The following AHNAK variants were observed in gnomAD, a reference collection of about 807,000 sequenced individuals.
The protein encoded by AHNAK is neuroblast differentiation-associated protein AHNAK.
Under a neutral mutation model 37.8 loss-of-function variants are expected in AHNAK, and 23 were observed. The ratio of observed to expected loss-of-function variants is 0.61; its 90% CI spans 0.44 to 0.86. AHNAK has a LOEUF of 0.86. Ranked by LOEUF, AHNAK falls within the 40% of genes least tolerant of loss-of-function variation. AHNAK has a pLI of 0.00. For synonymous variants in AHNAK, 2,481 were observed against 2,636.3 expected (o/e 0.94, Z 1.80); for missense variants, 7,411 against 7,319.4 (o/e 1.01, Z -0.46).
At chr11:62,465,148 C>A (rs1938880024) in intron 5 of AHNAK, among the ~76,000 whole-genome samples, 1 of 152,178 alleles carries the variant, frequency 6.6e-6, no homozygotes, top group Non-Finnish European at 1.5e-5. Context: ...ACTCCATCCT[C>A]TCCCAGTTGG....
Position 62,524,118 on chromosome 11 carries a change from T to G in AHNAK, c.10299A>C (p.Leu3433Phe), listed in dbSNP as rs1940379868. 6.2e-7 allele frequency: 1 copy of G among 1,614,144 alleles called. No homozygotes were observed. Among genetic ancestry groups the G allele is most frequent in the East Asian group, 2.2e-5 (1 of 44,880 alleles). Residue 3433 changes from leucine to phenylalanine, a missense_variant, in exon 5 of 5, where the codon TTA becomes TTC. Transcript: ENST00000378024. Reference protein sequence around the residue: ...NLKSPKVKGDLDIAGPNLEGD... With the variant: ...NLKSPKVKGDFDIAGPNLEGD... ...CTTCTAAATTGGGACCTGCAATATC[T>G]AAGTCTCCTTTGACTTTGGGACTTT... is the stretch of plus-strand genomic sequence containing the variant.
chr11:62,490,968 A>G (rs1466653258), intron 5 of AHNAK, among the ~76,000 whole-genome samples: 1 of 151,538 alleles, frequency 6.6e-6, no homozygotes, highest in African/African-American at 2.4e-5. Flanking sequence ...TTATATTTCT[A>G]GTAGAGACAG....
At chr11:62,496,044 G>T (rs181794032) in intron 4 of AHNAK, among the ~76,000 whole-genome samples, 62 of 147,958 alleles carry the variant, frequency 4.2e-4, no homozygotes, top group African/African-American at 1.4e-3. Context: ...GCCAGATCCT[G>T]TCTCAAAAAA....
At chr11:62,537,916 C>A (rs1941003051) in intron 1 of AHNAK, among the ~76,000 whole-genome samples, 1 of 152,036 alleles carries the variant, frequency 6.6e-6, no homozygotes, top group South Asian at 2.1e-4. Context: ...ACTCCTGACC[C>A]TGTGATCCAC....
At chr11:62,475,631 G>A (rs1939128081) in intron 5 of AHNAK, among the ~76,000 whole-genome samples, 4 of 106,380 alleles carry the variant, frequency 3.8e-5, no homozygotes, top group African/African-American at 1.2e-4. Flanking sequence ...TTTAGACAGA[G>A]TCTCACTCTG....
At position 62,529,917 on chromosome 11, in the gene AHNAK, C is replaced by T; in HGVS notation, c.4500G>A (p.Glu1500=). 1.3e-6 allele frequency: 2 copies of T among 1,585,392 alleles called. No homozygotes were observed. Among genetic ancestry groups the T allele is most frequent in the South Asian group, 1.1e-5 (1 of 88,012 alleles). The change falls in exon 5 of 5, where the codon GAG becomes GAA. Residue 1500 remains glutamate, a synonymous_variant. Transcript: ENST00000378024. ...TCAGGTGCCAGTCTGGGCCATGAAC[C>T]TCCACATCTGGTGCATTAATATCAA... ...PKVDINAPDV[E]VHGPDWHLKM...
In AHNAK at chr11:62,528,271, G is replaced by A; in HGVS notation, c.6146C>T (p.Pro2049Leu). Residue 2049 changes from proline to leucine, a missense_variant, in exon 5 of 5, where the codon CCC (proline) becomes CTC (leucine). Pro to Leu is a moderately conservative substitution (Grantham distance 98). Transcript: ENST00000378024. ...VHGPDWHLKM[P>L]KMKMPKFSMP... ...GCTGAACTTGGGCATTTTCATCTTG[G>A]GCATCTTCAGGTGCCAGTCTGGGCC... 6.2e-7 allele frequency: 1 copy of A among 1,613,982 alleles called. No individual in the cohort carries two copies. The highest frequency in any genetic ancestry group is 8.5e-7 in the Non-Finnish European group (1 of 1,180,010).
chr11:62,481,904 C>T (rs1275048956), intron 5 of AHNAK, among the ~76,000 whole-genome samples: 2 of 152,090 alleles, frequency 1.3e-5, no homozygotes, highest in Admixed American at 1.3e-4. Flanking sequence ...CAACCCTCTG[C>T]CTTGATGTTA....
chr11:62,540,576 A>G (rs965761287), intron 1 of AHNAK, among the ~76,000 whole-genome samples: 2 of 152,186 alleles, frequency 1.3e-5, no homozygotes, highest in African/African-American at 4.8e-5. Flanking sequence ...TTGGGAGGCC[A>G]AGACACACTG....
chr11:62,497,825 G>A (rs148841980), intron 4 of AHNAK, among the ~76,000 whole-genome samples: 21 of 152,196 alleles, frequency 1.4e-4, no homozygotes, highest in African/African-American at 4.1e-4. Flanking sequence ...TTTGCCAGGC[G>A]TGGTGGCACG....
intron 2 of AHNAK, 27 bp from the exon 3 acceptor site, chr11:62,536,125 G>T (rs1383842166): frequency 6.5e-7 from 1 of 1,536,502 alleles, no homozygotes; most frequent in Non-Finnish European, 8.8e-7. Flanking sequence ...AAATGGAACT[G>T]GGGTCAGTGG....
At chr11:62,508,666 G>A (rs1042383014) in intron 4 of AHNAK, among the ~76,000 whole-genome samples, 8 of 152,344 alleles carry the variant, frequency 5.3e-5, no homozygotes, top group Non-Finnish European at 7.3e-5. Flanking sequence ...CCATGGCAGC[G>A]CCTCTGCTGG....
intron 5 of AHNAK, among the ~76,000 whole-genome samples, chr11:62,468,690 A>C (rs1252065062): frequency 2.0e-5 from 3 of 152,080 alleles, no homozygotes; most frequent in Non-Finnish European, 4.4e-5. Flanking sequence ...TAGCCTTTAC[A>C]AGGAGGTCAA....
chr11:62,526,972 A>G lies in AHNAK; in HGVS notation c.7445T>C (p.Leu2482Pro), dbSNP rs1165015147. The change falls in exon 5 of 5, where the codon CTT becomes CCT. Residue 2482 changes from leucine to proline, a missense_variant. Coordinates refer to ENST00000378024, the MANE Select transcript of AHNAK (RefSeq NM_001620.3). ...DVSVPEVEGK[L>P]EVPDMNIRGP... Reference sequence around the variant, plus strand: ...CCTGATGTTCATATCTGGTACTTCAAGTTTACCTTCTACCTCAGGCACAGA... The same window carrying G: ...CCTGATGTTCATATCTGGTACTTCAGGTTTACCTTCTACCTCAGGCACAGA... 6.2e-7 allele frequency: 1 copy of G among 1,614,016 alleles called. No homozygotes were observed. The highest frequency in any genetic ancestry group is 8.5e-7 in the Non-Finnish European group (1 of 1,179,954).
In AHNAK at chr11:62,526,991, G is replaced by C; in HGVS notation, c.7426C>G (p.Pro2476Ala). 1 of 1,613,942 alleles carries C rather than the reference G, an allele frequency of 6.2e-7. No homozygotes were observed. The highest frequency in any genetic ancestry group is 8.5e-7 in the Non-Finnish European group (1 of 1,179,918). ...KIKGDVDVSV[P>A]EVEGKLEVPD... ...ACTTCAAGTTTACCTTCTACCTCAG[G>C]CACAGACACATCCACATCCCCCTTG... Residue 2476 changes from proline (P) to alanine (A), a missense_variant, in exon 5 of 5, where the codon CCT becomes GCT. Transcript: ENST00000378024.
chr11:62,524,741 G>C lies in AHNAK; in HGVS notation c.9676C>G (p.Leu3226Val). The change falls in exon 5 of 5, where the codon CTC (leucine) becomes GTC (valine). Residue 3226 changes from leucine to valine, a missense_variant. Transcript: ENST00000378024. ...TTCATTTTAGGGCCTTTAAGATTGA[G>C]GTCCAAATCAGGCATTGATATTTTA... The part of the protein sequence containing the change: ...APKISMPDLD[L>V]NLKGPKMKGE... 1 of 1,614,106 alleles carries C rather than the reference G, an allele frequency of 6.2e-7. No individual in the cohort carries two copies. Among genetic ancestry groups the C allele is most frequent in the Non-Finnish European group, 8.5e-7 (1 of 1,180,018 alleles).
Position 62,530,065 on chromosome 11 carries a change from A to G in AHNAK, c.4352T>C (p.Ile1451Thr). The change falls in exon 5 of 5, where the codon ATA (isoleucine) becomes ACA (threonine). Residue 1451 changes from isoleucine (I) to threonine (T), a missense_variant. Ile to Thr is a moderately conservative substitution (Grantham distance 89). Transcript: ENST00000378024. ...ATGCAAACCAACATCTGGTATGGAT[A>G]TCTTCTGAGGCTTTATACTCATTTC... ...MPEMSIKPQK[I>T]SIPDVGLHLK... The G allele has an allele frequency of 6.2e-7, 1 of 1,613,890 alleles. No individual in the cohort carries two copies. Among genetic ancestry groups the G allele is most frequent in the Non-Finnish European group, 8.5e-7 (1 of 1,179,930 alleles).
intron 1 of AHNAK, among the ~76,000 whole-genome samples, chr11:62,537,926 C>T (rs1257598123): frequency 6.6e-6 from 1 of 152,108 alleles, no homozygotes; most frequent in African/African-American, 2.4e-5. Flanking sequence ...CTGTGATCCA[C>T]CCGCCTTGGC....
Position 62,522,944 on chromosome 11 carries a change from C to G in AHNAK, c.11473G>C (p.Asp3825His). 3 of 1,613,626 alleles carry G rather than the reference C, an allele frequency of 1.9e-6. No individual in the cohort carries two copies. Among genetic ancestry groups the G allele is most frequent in the Non-Finnish European group, 2.5e-6 (3 of 1,179,948 alleles). Reference sequence around the variant, plus strand: ...AGGTCAGCCTTGGGCAGGTTCACATCCACATCTGGGCCCTCTCCTTTGAAG... The same window carrying G: ...AGGTCAGCCTTGGGCAGGTTCACATGCACATCTGGGCCCTCTCCTTTGAAG... ...PGFKGEGPDVDVNLPKADLDV... is the reference protein window; with the variant it reads ...PGFKGEGPDVHVNLPKADLDV... Residue 3825 changes from aspartate to histidine, a missense_variant, in exon 5 of 5, where the codon GAT becomes CAT. Asp to His is a moderately conservative substitution (Grantham distance 81). Transcript: ENST00000378024.
Sources: allele counts gnomAD v4.1 joint callset (sites outside exome capture counted in the v4.1 genomes callset), GRCh38; gene constraint gnomAD v4.1.1; transcripts MANE v1.5; gene names NCBI Gene and HGNC (gene_info 2026-07-23, HGNC 2026-07-21).